Variants in CENPC observed in about 807,000 individuals in gnomAD.
The protein encoded by CENPC is CENP-C 1.
Under a neutral mutation model 112.1 loss-of-function variants are expected in CENPC, and 63 were observed. The ratio of observed to expected loss-of-function variants is 0.56; its 90% confidence interval spans 0.46 to 0.69. The LOEUF (loss-of-function observed/expected upper bound fraction) is 0.69, where lower values mean the gene tolerates loss of function less well. Ranked by LOEUF, CENPC falls within the 30% of genes least tolerant of loss-of-function variation. The pLI is 0.00. For missense variants in CENPC, 1,000 were observed against 1,103.8 expected, an observed-to-expected ratio of 0.91 and a Z score of 1.33; for synonymous variants, 333 against 367.6, an observed-to-expected ratio of 0.91 and a Z score of 1.08.
intron 5 of CENPC, among the ~76,000 whole-genome samples, chr4:67,530,314 T>G (rs146099401): frequency 1.3e-3 from 202 of 152,190 alleles, no homozygotes; most frequent in African/African-American, 4.6e-3. Context: ...GAACGTAGAA[T>G]AGTAAATAGA....
intron 1 of CENPC, among the ~76,000 whole-genome samples, chr4:67,544,899 G>A (rs1432551994): frequency 6.6e-6 from 1 of 152,104 alleles, no homozygotes; most frequent in Non-Finnish European, 1.5e-5. Context: ...CAAGTGTGAC[G>A]CAAAGACACA....
At chr4:67,495,136 T>C (rs1176914224) in intron 13 of CENPC, 23 bp downstream of exon 13, 2 of 1,491,930 alleles carry the variant, frequency 1.3e-6, no homozygotes, top group African/African-American at 1.4e-5. Context: ...AATGAAAATA[T>C]TAAAAAAGAA....
intron 17 of CENPC, among the ~76,000 whole-genome samples, chr4:67,489,759 C>T (rs1211232757): frequency 2.6e-5 from 4 of 152,042 alleles, no homozygotes; most frequent in South Asian, 2.1e-4. Context: ...TTCTGAATCT[C>T]AAAATACAGT....
intron 5 of CENPC, among the ~76,000 whole-genome samples, chr4:67,523,153 A>G (rs1240225025): frequency 6.6e-6 from 1 of 151,898 alleles, no homozygotes; most frequent in Non-Finnish European, 1.5e-5. Context: ...CTCTACTAAA[A>G]ACACAAAAAA....
rs755607104 is a variant in CENPC at position 67,514,077 on chromosome 4, C to G, written c.1441G>C (p.Val481Leu). The change falls in exon 8 of 19, where the codon GTG becomes CTG. Residue 481 changes from valine (V) to leucine (L), a missense_variant. Coordinates refer to ENST00000273853, the MANE Select transcript of CENPC (RefSeq NM_001812.4). ...TATATTTAATATAAACACTTACCCA[C>G]AGGTGGCATCTGTTTTTTGGAAACA... ...DCVSKKQMPP[V>L]GSKKSSTRKD... 1.9e-6 allele frequency: 3 copies of G among 1,587,304 alleles called. No individual in the cohort carries two copies. The highest frequency in any genetic ancestry group is 2.6e-6 in the Non-Finnish European group (3 of 1,170,778).
chr4:67,512,473 G>T lies in CENPC; in HGVS notation c.1541C>A (p.Thr514Asn), dbSNP rs1182920114. The T allele has an allele frequency of 6.2e-7, 1 of 1,600,020 alleles. No individual in the cohort carries two copies. Among genetic ancestry groups the T allele is most frequent in the Non-Finnish European group, 8.5e-7 (1 of 1,173,028 alleles). ...TCTTCGACTTTTCGTGACAGTTGAA[G>T]TCACTTCTTCAGGTACAAGTTTGTT... ...SKNKLVPEEV[T>N]STVTKSRRIS... The change falls in exon 9 of 19, where the codon ACT (threonine) becomes AAT (asparagine). Residue 514 changes from threonine to asparagine, a missense_variant. By Grantham distance (65) the Thr-to-Asn change is moderately conservative. Coordinates refer to ENST00000273853, the MANE Select transcript of CENPC (RefSeq NM_001812.4).
chr4:67,490,471 C>A (rs562844003), intron 16 of CENPC, among the ~76,000 whole-genome samples: 185 of 152,128 alleles, frequency 1.2e-3, no homozygotes, highest in African/African-American at 4.3e-3. Flanking sequence ...AAAAAGTACG[C>A]ACTGTTAGCA....
rs1024371966 is a variant in CENPC, at chr4:67,495,296, A to G, written c.2132-84T>C. The G allele has an allele frequency of 3.0e-5, 37 of 1,249,930 alleles. 1 individual carries two copies. The South Asian group carries it at 5.1e-4, about 17-fold the overall frequency. 77.4% of individuals were successfully genotyped at this position (1,249,930 alleles called of 1,614,324 possible). On this transcript the variant is annotated intron_variant, in intron 12 of 18. Coordinates refer to ENST00000273853, the MANE Select transcript of CENPC (RefSeq NM_001812.4). ...AATGTGTTTCCTGGTCAATTTCAGT[A>G]TGAGTATTTTAAATAAAGTTTGACC...
At chr4:67,491,548 C>T (rs866932885) in intron 16 of CENPC, among the ~76,000 whole-genome samples, 44 of 114,374 alleles carry the variant, frequency 3.8e-4, no homozygotes, top group African/African-American at 1.1e-3. Context: ...TAAACAGTTG[C>T]GTAATCCATA....
At chr4:67,491,440 A>G (rs1030279899) in intron 16 of CENPC, among the ~76,000 whole-genome samples, 1 of 123,112 alleles carries the variant, frequency 8.1e-6, no homozygotes. Context: ...ATATATTTAA[A>G]TATTTCATAT....
rs546577360 is a variant in CENPC at position 67,517,594 on chromosome 4, T to C, written c.830+562A>G. Among the ~76,000 whole-genome samples, 119 of 151,750 alleles carry C rather than the reference T, an allele frequency of 7.8e-4. 3 individuals carry two copies. The highest frequency in any genetic ancestry group is 2.8e-3 in the African/African-American group (114 of 41,412). On this transcript the variant is annotated intron_variant, in intron 7 of 18. Coordinates refer to ENST00000273853, the MANE Select transcript of CENPC (RefSeq NM_001812.4). ...GGCTCAAGCTTGTAATCCCAGCACT[T>C]TGGGAGGCCGAGGCAGATGGATCAC...
At chr4:67,498,669 T>C (rs1310182515) in intron 12 of CENPC, among the ~76,000 whole-genome samples, 2 of 152,206 alleles carry the variant, frequency 1.3e-5, no homozygotes, top group East Asian at 3.9e-4. Flanking sequence ...TTCAGTTTCA[T>C]CTCCAGACTC....
Position 67,519,980 on chromosome 4 carries a change from A to G in CENPC, c.332-478T>C, listed in dbSNP as rs565099984. On this transcript the variant is annotated intron_variant, in intron 5 of 18. Transcript: ENST00000273853. ...CAACAGGACTCTGAAAGCTGGAAGA[A>G]AAAAAGGTAGACTAGCTAGGAAGCT... is the stretch of plus-strand genomic sequence containing the variant. Among the ~76,000 whole-genome samples the G allele has an allele frequency of 3.9e-5, 6 of 152,328 alleles. No individual in the cohort carries two copies. In the East Asian group the frequency reaches 1.2e-3, roughly 29 times the overall value.
At chr4:67,483,548 TA>T (rs71219045) in intron 17 of CENPC, among the ~76,000 whole-genome samples, 197 of 144,128 alleles carry the variant, frequency 1.4e-3, no homozygotes, top group African/African-American at 1.3e-3. Flanking sequence ...ACCACTTATA[TA>T]AAAAAAAAAA....
chr4:67,506,736 C>T, intron 11 of CENPC, 52 bp downstream of exon 11: 1 of 1,358,526 alleles, frequency 7.4e-7, no homozygotes, highest in Non-Finnish European at 9.9e-7. Context: ...ATCTGTTATA[C>T]AGCAATGGGT....
intron 17 of CENPC, among the ~76,000 whole-genome samples, chr4:67,484,720 T>C (rs1725046476): frequency 6.6e-6 from 1 of 152,186 alleles, no homozygotes; most frequent in Non-Finnish European, 1.5e-5. Context: ...CTTTTATTTT[T>C]CCTTATTTTG....
At chr4:67,518,075 A>T in intron 7 of CENPC, 81 bp downstream of exon 7, 1 of 720,056 alleles carries the variant, frequency 1.4e-6, no homozygotes, top group Non-Finnish European at 2.1e-6. Flanking sequence ...TTTCTAAGTT[A>T]AATAGCATTA....
chr4:67,484,707 T>A (rs1285694643), intron 17 of CENPC, among the ~76,000 whole-genome samples: 2 of 152,134 alleles, frequency 1.3e-5, no homozygotes, highest in African/African-American at 4.8e-5. Context: ...CAGGAAGAGA[T>A]TTCTTTTATT....
At chr4:67,491,468 TATATATATATATAGAGAGAGAGAGAGAG>T (rs1346649729) in intron 16 of CENPC, among the ~76,000 whole-genome samples, 5 of 54,694 alleles carry the variant, frequency 9.1e-5, no homozygotes, top group African/African-American at 3.1e-4. Flanking sequence ...TATATATATA[TATATATATATATAGAGAGAGAGAGAGAG>T]AGAGAGAGAG....
Sources: allele counts gnomAD v4.1 joint callset (sites outside exome capture counted in the v4.1 genomes callset), GRCh38; gene constraint gnomAD v4.1.1; transcripts MANE v1.5; gene names NCBI Gene and HGNC (gene_info 2026-07-23, HGNC 2026-07-21).